BAZ1B: variants seen among roughly 807,000 people sequenced by gnomAD.
The protein encoded by BAZ1B is tyrosine-protein kinase BAZ1B.
BAZ1B carries 22 observed loss-of-function variants against 153.8 expected under a neutral mutation model. That is an observed-to-expected ratio of 0.14 (90% confidence interval 0.10 to 0.20). BAZ1B has a LOEUF of 0.20. Among genes scored for constraint, BAZ1B ranks in the 10% least tolerant of loss-of-function variants. The pLI, the probability that BAZ1B is intolerant of heterozygous loss-of-function variation, is 1.00. For synonymous variants in BAZ1B, 676 were observed against 633.4 expected (o/e 1.07, Z -1.01); for missense variants, 1,325 against 1,799.3 (o/e 0.74, Z 4.77).
At chr7:73,504,283 C>G (rs1190103498) in intron 3 of BAZ1B, among the ~76,000 whole-genome samples, 2 of 152,092 alleles carry the variant, frequency 1.3e-5, no homozygotes, top group African/African-American at 4.8e-5. Context: ...TTTTGCCAGG[C>G]CAAGGTGGGA....
At chr7:73,503,460 T>C (rs1282475562) in intron 3 of BAZ1B, among the ~76,000 whole-genome samples, 1 of 152,050 alleles carries the variant, frequency 6.6e-6, no homozygotes, top group East Asian at 1.9e-4. Flanking sequence ...ACTGCAGCCT[T>C]GAACTCCTGA....
intron 3 of BAZ1B, among the ~76,000 whole-genome samples, chr7:73,500,765 C>T (rs1271312752): frequency 1.3e-5 from 2 of 151,648 alleles, no homozygotes; most frequent in Non-Finnish European, 2.9e-5. Context: ...GTGGCGGGCA[C>T]CTGTAATCCC....
chr7:73,484,140 C>T (rs1299949935), intron 6 of BAZ1B, among the ~76,000 whole-genome samples: 1 of 152,110 alleles, frequency 6.6e-6, no homozygotes, highest in African/African-American at 2.4e-5. Context: ...GTGGTGGGTG[C>T]CTGTAGTCCC....
At chr7:73,470,209 T>C (rs1189881896) in intron 8 of BAZ1B, 136 bp downstream of exon 8, 1 of 1,033,780 alleles carries the variant, frequency 9.7e-7, no homozygotes. Context: ...TCAATAATCA[T>C]CAACAATTCT....
At chr7:73,511,801 A>C (rs774913321) in intron 1 of BAZ1B, among the ~76,000 whole-genome samples, 1 of 150,506 alleles carries the variant, frequency 6.6e-6, no homozygotes, top group Non-Finnish European at 1.5e-5. Flanking sequence ...CAGGCAGATC[A>C]CCTGAAGTCA....
chr7:73,472,938 TG>T (rs1201842980), intron 7 of BAZ1B, among the ~76,000 whole-genome samples: 5 of 150,596 alleles, frequency 3.3e-5, no homozygotes, highest in African/African-American at 9.8e-5. Context: ...CACACCCAGC[TG>T]ATCTTTTTTT....
chr7:73,502,262 G>A (rs1790163292), intron 3 of BAZ1B, among the ~76,000 whole-genome samples: 1 of 151,958 alleles, frequency 6.6e-6, no homozygotes, highest in Admixed American at 6.6e-5. Flanking sequence ...CCCAAAACAT[G>A]CTATCTACAT....
intron 13 of BAZ1B, among the ~76,000 whole-genome samples, chr7:73,453,368 C>T (rs1365082570): frequency 1.3e-5 from 2 of 152,244 alleles, no homozygotes; most frequent in African/African-American, 4.8e-5. Flanking sequence ...GAACAAGTCT[C>T]ATCTGACAAA....
chr7:73,453,683 G>T (rs1282697510), intron 13 of BAZ1B, among the ~76,000 whole-genome samples: 1 of 152,206 alleles, frequency 6.6e-6, no homozygotes, highest in Non-Finnish European at 1.5e-5. Context: ...GCTATACACA[G>T]TCATTTAAAA....
At chr7:73,452,654 G>A (rs1276069426) in intron 13 of BAZ1B, among the ~76,000 whole-genome samples, 2 of 151,280 alleles carry the variant, frequency 1.3e-5, no homozygotes, top group East Asian at 1.9e-4. Flanking sequence ...CCCGGGAGGC[G>A]GAGGCTGCAG....
At chr7:73,467,745 T>C (rs997528773) in intron 9 of BAZ1B, among the ~76,000 whole-genome samples, 1 of 152,132 alleles carries the variant, frequency 6.6e-6, no homozygotes. Flanking sequence ...CAGGATGCTC[T>C]AGAAGTGAAG....
chr7:73,464,104 C>T, intron 11 of BAZ1B: 1 of 967,976 alleles, frequency 1.0e-6, no homozygotes, highest in Non-Finnish European at 1.2e-6. Flanking sequence ...AGTGGGCTAA[C>T]ATCAATATAA....
At chr7:73,444,284 GC>G (rs1554565806) in intron 16 of BAZ1B, among the ~76,000 whole-genome samples, 155 bp from the exon 17 acceptor site, 2 of 152,162 alleles carry the variant, frequency 1.3e-5, no homozygotes, top group African/African-American at 4.8e-5. Flanking sequence ...ATTTTATCTT[GC>G]CTTACCTAAC....
At chr7:73,484,554 G>A (rs532462654) in intron 6 of BAZ1B, among the ~76,000 whole-genome samples, 4 of 152,024 alleles carry the variant, frequency 2.6e-5, no homozygotes, top group African/African-American at 7.2e-5. Flanking sequence ...TAAGGTAGGC[G>A]GATTGCTTAA....
chr7:73,513,691 T>C (rs1017925587), intron 1 of BAZ1B, among the ~76,000 whole-genome samples: 19 of 152,160 alleles, frequency 1.2e-4, no homozygotes, highest in Non-Finnish European at 1.9e-4. Flanking sequence ...AGTGGACTTA[T>C]TTAAGCTTTC....
Position 73,478,311 on chromosome 7 carries a change from T to G in BAZ1B, c.1150A>C (p.Ile384Leu). 6.2e-7 allele frequency: 1 copy of G among 1,614,198 alleles called. No homozygotes were observed. Among genetic ancestry groups the G allele is most frequent in the Non-Finnish European group, 8.5e-7 (1 of 1,180,034 alleles). ...TTGGCAGGTGGGCCTTTTTTAGGAA[T>G]GTGAAAGTTAGTGTGCAGCTTATTG... The part of the protein sequence containing the change: ...SPNKLHTNFH[I>L]PKKGPPAKKP... The change falls in exon 7 of 20, where the codon ATT (isoleucine) becomes CTT (leucine). Residue 384 changes from isoleucine (I) to leucine (L), a missense_variant. Physicochemically the swap from Ile to Leu is conservative, Grantham distance 5. This residue lies in a region of BAZ1B where 219 missense variants were observed against 248.2 expected (regional missense o/e 0.88). Coordinates refer to ENST00000339594, the MANE Select transcript of BAZ1B (RefSeq NM_032408.4).
chr7:73,466,492 T>C (rs1583902964), intron 9 of BAZ1B, 91 bp from the exon 10 acceptor site: 2 of 774,406 alleles, frequency 2.6e-6, no homozygotes, highest in East Asian at 5.0e-5. Flanking sequence ...ACTCAACAAT[T>C]TGTAACAACA....
Position 73,503,836 on chromosome 7 carries a change from G to T in BAZ1B, c.369+4491C>A, listed in dbSNP as rs899820493. On this transcript the variant is annotated intron_variant, in intron 3 of 19. Coordinates refer to ENST00000339594, the MANE Select transcript of BAZ1B (RefSeq NM_032408.4). ...GACTCCCCTTGCCCTCTAGATTCTG[G>T]TGAGTTCAGTTCATAGGGAGCATGA... 1.6e-4 allele frequency among the ~76,000 whole-genome samples: 24 copies of T among 151,902 alleles called. 1 individual carries two copies. The highest frequency in any genetic ancestry group is 1.6e-3 in the Admixed American group (24 of 15,248).
intron 4 of BAZ1B, among the ~76,000 whole-genome samples, chr7:73,494,352 C>T (rs1789786899): frequency 6.6e-6 from 1 of 152,132 alleles, no homozygotes; most frequent in African/African-American, 2.4e-5. Flanking sequence ...CACTGCACTC[C>T]AGCCTGGGCA....
Sources: gnomAD v4.1 joint callset for allele counts (sites outside exome capture counted in the v4.1 genomes callset) on GRCh38, gnomAD v4.1.1 for gene constraint, gnomAD v4.1.1 regional missense constraint, MANE v1.5 for transcripts, NCBI Gene and HGNC (gene_info 2026-07-23, HGNC 2026-07-21) for gene names.